The following SMIM17 variants were observed in gnomAD, a reference collection of about 807,000 sequenced individuals.
SMIM17 encodes small integral membrane protein 17.
Under a neutral mutation model 12.2 loss-of-function variants are expected in SMIM17, and 10 were observed. That is an observed-to-expected ratio of 0.82 (90% CI 0.50 to 1.39). The LOEUF (loss-of-function observed/expected upper bound fraction) is 1.39. Ranked by LOEUF, SMIM17 falls within the 40% of genes most tolerant of loss-of-function variation. The pLI, the probability that SMIM17 is intolerant of heterozygous loss-of-function variation, is 0.00. For synonymous variants in SMIM17, 50 were observed against 44.1 expected, an observed-to-expected ratio of 1.13 and a Z score of -0.53; for missense variants, 136 against 118.2, an observed-to-expected ratio of 1.15 and a Z score of -0.70.
At chr19:56,650,367 T>C (rs922189301) in intron 3 of SMIM17, among the ~76,000 whole-genome samples, 2 of 152,204 alleles carry the variant, frequency 1.3e-5, no homozygotes, top group East Asian at 3.9e-4. Flanking sequence ...AGAAATGGGG[T>C]TTCACCATGT....
Position 56,656,042 on chromosome 19 carries a change from T to G in SMIM17, c.*829T>G, listed in dbSNP as rs2045148598. Among the ~76,000 whole-genome samples the G allele has an allele frequency of 6.6e-6, 1 of 151,592 alleles. No homozygotes were observed. Among genetic ancestry groups the G allele is most frequent in the South Asian group, 2.1e-4 (1 of 4,798 alleles). Reference sequence around the variant, plus strand: ...TCTCGGCTCACTGTAAGCAGAGGGTTCATGCCATTCTCCTGCCTCAGCCTC... The same window carrying G: ...TCTCGGCTCACTGTAAGCAGAGGGTGCATGCCATTCTCCTGCCTCAGCCTC... On this transcript the variant is annotated 3_prime_UTR_variant, in exon 4 of 4. Coordinates refer to ENST00000598409, the MANE Select transcript of SMIM17 (RefSeq NM_001193628.2).
intron 3 of SMIM17, among the ~76,000 whole-genome samples, chr19:56,653,024 T>C (rs1351298845): frequency 1.3e-5 from 2 of 152,238 alleles, no homozygotes; most frequent in Non-Finnish European, 2.9e-5. Flanking sequence ...TTCTTAACTT[T>C]ATATTCTGCT....
At chr19:56,651,553 T>C (rs2148043210) in intron 3 of SMIM17, among the ~76,000 whole-genome samples, 1 of 152,282 alleles carries the variant, frequency 6.6e-6, no homozygotes, top group Admixed American at 6.5e-5. Flanking sequence ...GCAAATCTTA[T>C]CTAAGTGCAT....
intron 2 of SMIM17, among the ~76,000 whole-genome samples, chr19:56,646,522 C>G (rs940340431): frequency 1.3e-5 from 2 of 151,932 alleles, no homozygotes; most frequent in African/African-American, 4.9e-5. Context: ...CTACCATGCA[C>G]AGGACGGACC....
rs2045153352 is a variant in SMIM17, at chr19:56,656,520, T to A, written c.*1307T>A. Among the ~76,000 whole-genome samples the A allele has an allele frequency of 6.6e-6, 1 of 152,180 alleles. No individual in the cohort carries two copies. The highest frequency in any genetic ancestry group is 2.1e-4 in the South Asian group (1 of 4,836). On this transcript the variant is annotated 3_prime_UTR_variant, in exon 4 of 4. Transcript: ENST00000598409. Reference sequence around the variant, plus strand: ...TTTTCTTTGATATGTATTGCATTTATTTTTTATTGTTTTTCTTCTTTGTCT... The same window carrying A: ...TTTTCTTTGATATGTATTGCATTTAATTTTTATTGTTTTTCTTCTTTGTCT...
chr19:56,651,541 C>T (rs965630222), intron 3 of SMIM17, among the ~76,000 whole-genome samples: 6 of 151,916 alleles, frequency 3.9e-5, no homozygotes, highest in African/African-American at 1.5e-4. Context: ...TATGTAACAC[C>T]TGCAAATCTT....
At chr19:56,651,214 T>A (rs1207322949) in intron 3 of SMIM17, among the ~76,000 whole-genome samples, 1 of 152,208 alleles carries the variant, frequency 6.6e-6, no homozygotes, top group Non-Finnish European at 1.5e-5. Context: ...TATCCCATTT[T>A]ACAGATGGGA....
intron 2 of SMIM17, among the ~76,000 whole-genome samples, chr19:56,647,021 C>T (rs1217188281): frequency 6.6e-6 from 1 of 152,016 alleles, no homozygotes; most frequent in African/African-American, 2.4e-5. Flanking sequence ...GTGGAAAATG[C>T]CAGGATTTGC....
intron 1 of SMIM17, among the ~76,000 whole-genome samples, chr19:56,644,538 G>A (rs1025562907): frequency 1.2e-4 from 19 of 152,164 alleles, no homozygotes; most frequent in African/African-American, 4.3e-4. Context: ...CACAGGATGG[G>A]CGACACCAGT....
intron 3 of SMIM17, among the ~76,000 whole-genome samples, chr19:56,654,300 A>G (rs1274012018): frequency 9.9e-5 from 15 of 152,232 alleles, no homozygotes; most frequent in Admixed American, 9.8e-4. Flanking sequence ...TCCAGGAAGA[A>G]GAACTCGTAA....
At position 56,656,801 on chromosome 19, in the gene SMIM17, C is replaced by A. The variant is rs546723590; in HGVS notation, c.*1588C>A. On this transcript the variant is annotated 3_prime_UTR_variant, in exon 4 of 4. Coordinates refer to ENST00000598409, the MANE Select transcript of SMIM17 (RefSeq NM_001193628.2). The stretch of plus-strand genomic sequence containing the variant: ...ATAGTTTTGTTTTCTTGTTTTACTG[C>A]ACTGTGAACACAGAATGTGGCCTAT... 3.9e-4 allele frequency among the ~76,000 whole-genome samples: 59 copies of A among 152,282 alleles called. 1 individual carries two copies. The highest frequency in any genetic ancestry group is 6.8e-3 in the Middle Eastern group (2 of 294).
intron 1 of SMIM17, among the ~76,000 whole-genome samples, chr19:56,644,906 G>A (rs963813789): frequency 4.6e-5 from 7 of 152,132 alleles, no homozygotes; most frequent in African/African-American, 1.4e-4. Context: ...CTACAGGCTC[G>A]TGACACCACA....
Position 56,647,639 on chromosome 19 carries a change from A to G in SMIM17, c.246+5A>G. ...GACGAATCAGAGGGCTCCCAGGTAC[A>G]CTGGGGGGTTTGTTCTTTTTCCACA... On this transcript the variant is annotated splice_donor_5th_base_variant and intron_variant, in intron 3 of 3. Transcript: ENST00000598409. 1 of 1,534,922 alleles carries G rather than the reference A, an allele frequency of 6.5e-7. No homozygotes were observed. Among genetic ancestry groups the G allele is most frequent in the East Asian group, 2.4e-5 (1 of 40,884 alleles).
intron 3 of SMIM17, among the ~76,000 whole-genome samples, chr19:56,653,191 C>T (rs2045122916): frequency 6.6e-6 from 1 of 152,210 alleles, no homozygotes; most frequent in African/African-American, 2.4e-5. Flanking sequence ...TCTCACTCCC[C>T]AGCCCTGGAA....
intron 1 of SMIM17, among the ~76,000 whole-genome samples, chr19:56,644,684 C>T (rs1188431073): frequency 6.6e-6 from 1 of 152,226 alleles, no homozygotes; most frequent in Non-Finnish European, 1.5e-5. Flanking sequence ...GCCATTTGTT[C>T]ATGTGCTCCT....
chr19:56,643,442 C>T (rs1355508900), intron 1 of SMIM17, among the ~76,000 whole-genome samples: 2 of 152,164 alleles, frequency 1.3e-5, no homozygotes, highest in Non-Finnish European at 2.9e-5. Context: ...TGTTTCTCCG[C>T]AGCGGAGGTC....
intron 2 of SMIM17, among the ~76,000 whole-genome samples, chr19:56,646,374 A>C (rs117673658): frequency 1.3e-5 from 2 of 152,338 alleles, no homozygotes; most frequent in South Asian, 2.1e-4. Flanking sequence ...GTGGATTTCA[A>C]CTGGGCGTGG....
At chr19:56,649,100 G>C (rs76422310) in intron 3 of SMIM17, among the ~76,000 whole-genome samples, 2 of 152,210 alleles carry the variant, frequency 1.3e-5, no homozygotes, top group Admixed American at 6.5e-5. Context: ...TGCATGCCAG[G>C]AGGTTTATTC....
intron 3 of SMIM17, among the ~76,000 whole-genome samples, chr19:56,650,362 T>C (rs60676836): frequency 0.1 from 15,582 of 152,058 alleles, 1,292 homozygotes; most frequent in African/African-American, 0.23. Context: ...TTAGTAGAAA[T>C]GGGGTTTCAC....
Sources: gnomAD v4.1 joint callset for allele counts (sites outside exome capture counted in the v4.1 genomes callset) on GRCh38, gnomAD v4.1.1 for gene constraint, MANE v1.5 for transcripts, NCBI Gene and HGNC (gene_info 2026-07-23, HGNC 2026-07-21) for gene names.